NSUN5: variants seen among roughly 807,000 people sequenced by gnomAD.
NSUN5 encodes NOP2/Sun RNA methyltransferase 5, also known as 28S rRNA (cytosine-C(5))-methyltransferase.
A neutral mutation model predicts 51.1 loss-of-function variants in NSUN5; 39 were observed. The ratio of observed to expected loss-of-function variants is 0.76; its 90% CI spans 0.59 to 1.00. The LOEUF is 1.00. Among genes scored for constraint, NSUN5 ranks in the 50% least tolerant of loss-of-function variants. The pLI, the probability that NSUN5 is intolerant of heterozygous loss-of-function variation, is 0.00. For synonymous variants in NSUN5, 266 were observed against 271.5 expected (o/e 0.98, Z 0.20); for missense variants, 526 against 614.0 (o/e 0.86, Z 1.51).
At chr7:73,305,734 C>T (rs1364171804) in intron 4 of NSUN5, among the ~76,000 whole-genome samples, 1 of 152,088 alleles carries the variant, frequency 6.6e-6, no homozygotes, top group Non-Finnish European at 1.5e-5. Flanking sequence ...AGGAGTCCCG[C>T]CGACTCTCCG....
At position 73,303,851 on chromosome 7, in the gene NSUN5, G is replaced by C; in HGVS notation, c.1120C>G (p.Leu374Val). The C allele has an allele frequency of 6.2e-7, 1 of 1,613,858 alleles. No individual in the cohort carries two copies. The highest frequency in any genetic ancestry group is 8.5e-7 in the Non-Finnish European group (1 of 1,179,906). ...EENEDVVRDA[L>V]QQNPGAFRLA... ...CTGAAGGCGCCCGGGTTCTGCTGCA[G>C]CGCATCTCGCACCACGTCTTCATTC... is the stretch of plus-strand genomic sequence containing the variant. The change falls in exon 8 of 10, where the codon CTG (leucine) becomes GTG (valine). Residue 374 changes from leucine (L) to valine (V), a missense_variant. Leu to Val is a conservative substitution (Grantham distance 32). Coordinates refer to ENST00000438747, the MANE Select transcript of NSUN5 (RefSeq NM_148956.4).
intron 4 of NSUN5, among the ~76,000 whole-genome samples, chr7:73,306,209 AC>A (rs1389435974): frequency 6.6e-6 from 1 of 151,228 alleles, no homozygotes; most frequent in Non-Finnish European, 1.5e-5. Context: ...ACATGGAGAA[AC>A]CCCGTCTCTA....
In NSUN5 at chr7:73,303,096, C is replaced by T. The variant is rs868941843; in HGVS notation, c.*319G>A. 48 of 1,414,164 alleles carry T rather than the reference C, an allele frequency of 3.4e-5. No homozygotes were observed. Among genetic ancestry groups the T allele is most frequent in the South Asian group, 2.7e-4 (18 of 65,626 alleles). 87.6% of individuals were successfully genotyped at this position (1,414,164 alleles called of 1,614,324 possible). On this transcript the variant is annotated 3_prime_UTR_variant, in exon 10 of 10. Transcript: ENST00000438747. The stretch of plus-strand genomic sequence containing the variant: ...GGATGTGTACAGTACACGCACTGGA[C>T]GGCAGCGGGAGGCTGGGACTTTCCA...
At chr7:73,303,795 A>G (rs782035354) in intron 8 of NSUN5, 31 bp downstream of exon 8, 2 of 1,612,982 alleles carry the variant, frequency 1.2e-6, no homozygotes, top group South Asian at 1.1e-5. Flanking sequence ...CCCGTCCCCC[A>G]CTCCCCACGA....
intron 4 of NSUN5, among the ~76,000 whole-genome samples, chr7:73,306,422 A>AGAG (rs1554541822): frequency 1.4e-5 from 2 of 143,928 alleles, no homozygotes; most frequent in East Asian, 4.1e-4. Context: ...AAAGCTTAGC[A>AGAG]GAGGAGTAAC....
chr7:73,306,148 C>T (rs1804029216), intron 4 of NSUN5, among the ~76,000 whole-genome samples: 1 of 152,068 alleles, frequency 6.6e-6, no homozygotes, highest in Non-Finnish European at 1.5e-5. Context: ...CTTTGGGAGG[C>T]CGAGGCGGGC....
At chr7:73,306,799 T>G (rs1554541872) in intron 4 of NSUN5, among the ~76,000 whole-genome samples, 3 of 151,454 alleles carry the variant, frequency 2.0e-5, no homozygotes, top group African/African-American at 4.8e-5. Context: ...GAGCATCGCT[T>G]GAACCCGGGA....
rs1804104494 is a variant in NSUN5, at chr7:73,307,727, C to T, written c.247G>A (p.Gly83Ser). ...VLVYELLLGK[G>S]FRGGGGRWKA... ...CATCGGCCCCCACCCCCTCGAAAGC[C>T]CTTTCCCAACAACAACTCATACACT... The change falls in exon 3 of 10, where the codon GGC becomes AGC. Residue 83 changes from glycine to serine, a missense_variant. Physicochemically the swap from Gly to Ser is moderately conservative, Grantham distance 56 (BLOSUM62 0). Transcript: ENST00000438747. 1 of 1,578,448 alleles carries T rather than the reference C, an allele frequency of 6.3e-7. No individual in the cohort carries two copies. Among genetic ancestry groups the T allele is most frequent in the Non-Finnish European group, 8.6e-7 (1 of 1,162,420 alleles).
Position 73,303,546 on chromosome 7 carries a change from G to A in NSUN5, c.1287-17C>T, listed in dbSNP as rs1554541076. ...GAGGCTGAGCTAGAGAAGTGTAGAT[G>A]TTAGATGTGCCGGTGCCATCCTGCG... On this transcript the variant is annotated splice_polypyrimidine_tract_variant and intron_variant, in intron 9 of 9. Coordinates refer to ENST00000438747, the MANE Select transcript of NSUN5 (RefSeq NM_148956.4). The A allele has an allele frequency of 3.7e-6, 6 of 1,613,834 alleles. No individual in the cohort carries two copies. In the East Asian group the frequency reaches 8.9e-5, roughly 24 times the overall value.
Position 73,307,486 on chromosome 7 carries a change from T to A in NSUN5, c.408A>T (p.Arg136=). The change falls in exon 4 of 10, where the codon CGA becomes CGT. Residue 136 remains arginine, a synonymous_variant. Transcript: ENST00000438747. ...TCTTGAGAGTGTTCACACGCACAAATCGAGGCAGCTGGGAGGCTACGTAGG... is the reference window on the plus strand; with the variant it reads ...TCTTGAGAGTGTTCACACGCACAAAACGAGGCAGCTGGGAGGCTACGTAGG... ...SRPGPASQLP[R]FVRVNTLKTC... 1 of 1,614,096 alleles carries A rather than the reference T, an allele frequency of 6.2e-7. No individual in the cohort carries two copies. Among genetic ancestry groups the A allele is most frequent in the Middle Eastern group, 1.6e-4 (1 of 6,062 alleles).
In NSUN5 at chr7:73,308,345, C is replaced by A. The variant is rs566835053; in HGVS notation, c.216+86G>T. The stretch of plus-strand genomic sequence containing the variant: ...TTTCAGATGAGCGACTTGCTCCAGT[C>A]CCGCCGTGCACGGCAGCAGAGCTGA... On this transcript the variant is annotated intron_variant, in intron 2 of 9. Coordinates refer to ENST00000438747, the MANE Select transcript of NSUN5 (RefSeq NM_148956.4). 1.8e-5 allele frequency: 27 copies of A among 1,481,862 alleles called. No homozygotes were observed. In the African/African-American group the frequency reaches 3.2e-4, roughly 18 times the overall value. 91.8% of individuals were successfully genotyped at this position (1,481,862 alleles called of 1,614,324 possible).
rs1393669302 is a variant in NSUN5 at position 73,304,428 on chromosome 7, A to G, written c.756-20T>C. 6.2e-7 allele frequency: 1 copy of G among 1,600,632 alleles called. No individual in the cohort carries two copies. Among genetic ancestry groups the G allele is most frequent in the Non-Finnish European group, 8.5e-7 (1 of 1,173,584 alleles). On this transcript the variant is annotated intron_variant, in intron 6 of 9. Coordinates refer to ENST00000438747, the MANE Select transcript of NSUN5 (RefSeq NM_148956.4). ...ATCTTCCTAGGGCAAAGCAGGGGTG[A>G]GCTGAGCACGCATGGAGCAGCTAAG...
At position 73,308,694 on chromosome 7, in the gene NSUN5, C is replaced by T; in HGVS notation, c.93+4G>A. ...CCCCTACTACTCGCGCCCAGGTCCG[C>T]TACCTGGAAGTTGCTGGAGTACACC... On this transcript the variant is annotated splice_donor_region_variant and intron_variant, in intron 1 of 9. Transcript: ENST00000438747. 6.2e-7 allele frequency: 1 copy of T among 1,610,606 alleles called. No individual in the cohort carries two copies. The highest frequency in any genetic ancestry group is 8.5e-7 in the Non-Finnish European group (1 of 1,178,686).
Position 73,303,259 on chromosome 7 carries a change from G to A in NSUN5, c.*156C>T. On this transcript the variant is annotated 3_prime_UTR_variant, in exon 10 of 10. Transcript: ENST00000438747. The stretch of plus-strand genomic sequence containing the variant: ...TACGTTCTGCATTTTATTTTTGCAG[G>A]CAACACTTTGCTCACCAGCAAGAAC... The A allele has an allele frequency of 3.1e-6, 5 of 1,601,056 alleles. No individual in the cohort carries two copies. The highest frequency in any genetic ancestry group is 4.3e-6 in the Non-Finnish European group (5 of 1,171,948).
In NSUN5 at chr7:73,307,449, C is replaced by T. The variant is rs782229695; in HGVS notation, c.445G>A (p.Asp149Asn). The stretch of plus-strand genomic sequence containing the variant: ...TGTCTCTTGAAATAATCAACTACAT[C>T]ATCGGAGCAGGTCTTGAGAGTGTTC... ...RVNTLKTCSD[D>N]VVDYFKRQGF... The change falls in exon 4 of 10, where the codon GAT becomes AAT. Residue 149 changes from aspartate to asparagine, a missense_variant. By Grantham distance (23) the Asp-to-Asn change is conservative (BLOSUM62 1). Transcript: ENST00000438747. The T allele has an allele frequency of 2.5e-6, 4 of 1,614,170 alleles. No individual in the cohort carries two copies. Among genetic ancestry groups the T allele is most frequent in the Non-Finnish European group, 3.4e-6 (4 of 1,180,032 alleles).
rs372746839 is a variant in NSUN5, at chr7:73,305,159, G to A, written c.501-62C>T. ...TCTCCCTGCCAGGCCCCATTTCAACGGTCCATTCATGCAACAAATGTTACC... is the reference window on the plus strand; with the variant it reads ...TCTCCCTGCCAGGCCCCATTTCAACAGTCCATTCATGCAACAAATGTTACC... On this transcript the variant is annotated intron_variant, in intron 4 of 9. Transcript: ENST00000438747. The A allele has an allele frequency of 1.9e-5, 30 of 1,578,732 alleles. No individual in the cohort carries two copies. The Admixed American group carries it at 2.1e-4, about 11-fold the overall frequency.
At position 73,303,281 on chromosome 7, in the gene NSUN5, G is replaced by A. The variant is rs1803874065; in HGVS notation, c.*134C>T. 1 of 1,611,492 alleles carries A rather than the reference G, an allele frequency of 6.2e-7. No homozygotes were observed. On this transcript the variant is annotated 3_prime_UTR_variant, in exon 10 of 10. Transcript: ENST00000438747. ...CAGGCAACACTTTGCTCACCAGCAAGAACACAGCCCAAGGAAGGGACCCAA... is the reference window on the plus strand; with the variant it reads ...CAGGCAACACTTTGCTCACCAGCAAAAACACAGCCCAAGGAAGGGACCCAA...
intron 4 of NSUN5, among the ~76,000 whole-genome samples, chr7:73,306,862 A>T (rs1804060130): frequency 6.6e-6 from 1 of 151,812 alleles, no homozygotes; most frequent in African/African-American, 2.4e-5. Context: ...ACAGAGTGAG[A>T]CTCAGTCTAA....
chr7:73,307,604 C>G lies in NSUN5; in HGVS notation c.370G>C (p.Val124Leu). 1 of 1,610,526 alleles carries G rather than the reference C, an allele frequency of 6.2e-7. No homozygotes were observed. Residue 124 changes from valine (V) to leucine (L), a missense_variant, in exon 3 of 10, where the codon GTG becomes CTG. Transcript: ENST00000438747. Reference sequence around the variant, plus strand: ...TTACCTGGACCAGGCCTGGATCCCACTTCCAACAGGTCCTCATTCCGGCTC... The same window carrying G: ...TTACCTGGACCAGGCCTGGATCCCAGTTCCAACAGGTCCTCATTCCGGCTC... ...GVSRNEDLLE[V>L]GSRPGPASQL...
Sources: gnomAD v4.1 joint callset for allele counts (sites outside exome capture counted in the v4.1 genomes callset) on GRCh38, gnomAD v4.1.1 for gene constraint, MANE v1.5 for transcripts, NCBI Gene and HGNC (gene_info 2026-07-23, HGNC 2026-07-21) for gene names.